MGST1: variants seen among roughly 807,000 people sequenced by gnomAD.
MGST1 encodes the protein microsomal glutathione S-transferase 1.
MGST1 carries 5 observed loss-of-function variants against 8.9 expected under a neutral mutation model. The observed-to-expected ratio is 0.56, with a 90% CI of 0.29 to 1.19. MGST1 has a LOEUF of 1.19. Ranked by LOEUF, MGST1 falls within the 50% of genes most tolerant of loss-of-function variation. The pLI is 0.08. For synonymous variants in MGST1, 54 were observed against 67.8 expected (o/e 0.80, Z 1.00); for missense variants, 182 against 187.4 (o/e 0.97, Z 0.17).
intron 4 of MGST1, among the ~76,000 whole-genome samples, chr12:16,468,774 A>G (rs74345360): frequency 0.034 from 5,138 of 152,296 alleles, 244 homozygotes; most frequent in African/African-American, 0.11. Context: ...ACCCCTTCCT[A>G]TAGGAATAGA....
chr12:16,347,655 T>A lies in MGST1; in HGVS notation c.-78T>A, dbSNP rs1939259363. The A allele has an allele frequency of 6.6e-6, 1 of 152,392 alleles. No homozygotes were observed. Among genetic ancestry groups the A allele is most frequent in the African/African-American group, 2.4e-5 (1 of 41,428 alleles). 9.4% of individuals were successfully genotyped at this position (152,392 alleles called of 1,614,324 possible). A position where few individuals can be genotyped will look rare whatever the true frequency, so the allele number is the denominator to read the frequency against. On this transcript the variant is annotated 5_prime_UTR_variant, in exon 1 of 4. It adds an upstream start codon to the 5' untranslated region. Coordinates refer to ENST00000396210, the MANE Select transcript of MGST1 (RefSeq NM_020300.5). This position sits in a 1 kb window ranked among gnomAD's most constrained non-coding sequence, Gnocchi z 4.0. ...GGCCCGCGCGGCCACAGTCCCTGCA[T>A]TGCGCGCGACCCGGCGGCGGGACAG...
intron 4 of MGST1, among the ~76,000 whole-genome samples, chr12:16,569,568 T>A (rs1320644246): frequency 6.6e-6 from 1 of 152,200 alleles, no homozygotes; most frequent in African/African-American, 2.4e-5. Context: ...GGAGAAGCTA[T>A]GCAGAGAAAA....
At position 16,517,264 on chromosome 12, in the gene MGST1, T is replaced by C. The variant is rs1376026181; in HGVS notation, n.483-72264T>C. On this transcript the variant is annotated intron_variant and non_coding_transcript_variant, in intron 4 of 4. Coordinates refer to the MGST1 transcript ENST00000538857. The surrounding 1 kb of genome is among the most constrained non-coding windows in gnomAD (Gnocchi z 4.2). ...TCCCTCCAAGTTCATGTGTTGAAAATTTAACTCCCAATGCAATAGTGTCAA... is the reference window on the plus strand; with the variant it reads ...TCCCTCCAAGTTCATGTGTTGAAAACTTAACTCCCAATGCAATAGTGTCAA... 6.6e-6 allele frequency among the ~76,000 whole-genome samples: 1 copy of C among 152,170 alleles called. No individual in the cohort carries two copies. Among genetic ancestry groups the C allele is most frequent in the East Asian group, 1.9e-4 (1 of 5,182 alleles).
intron 1 of MGST1, among the ~76,000 whole-genome samples, chr12:16,386,170 G>A (rs569345805): frequency 1.3e-5 from 2 of 152,322 alleles, no homozygotes; most frequent in South Asian, 4.1e-4. Flanking sequence ...TATCCAAGCA[G>A]TTTGTGGTTT....
intron 2 of MGST1, among the ~76,000 whole-genome samples, chr12:16,355,508 T>C (rs1409356567): frequency 6.6e-6 from 1 of 152,066 alleles, no homozygotes; most frequent in Non-Finnish European, 1.5e-5. Flanking sequence ...GCCTACTATT[T>C]TGAGGTATAA....
intron 1 of MGST1, among the ~76,000 whole-genome samples, chr12:16,414,605 C>G (rs937314146): frequency 6.6e-6 from 1 of 151,406 alleles, no homozygotes; most frequent in African/African-American, 2.4e-5. Context: ...TTAGTAGAGA[C>G]GGGGTTTCAT....
chr12:16,422,766 A>G (rs1023186762), intron 1 of MGST1, among the ~76,000 whole-genome samples: 1 of 152,164 alleles, frequency 6.6e-6, no homozygotes. Flanking sequence ...TACTAAGACA[A>G]TGCTTTTCTG....
chr12:16,374,429 G>T (rs1287578801), intron 3 of MGST1, among the ~76,000 whole-genome samples: 2 of 151,900 alleles, frequency 1.3e-5, no homozygotes, highest in Non-Finnish European at 2.9e-5. Flanking sequence ...GTGTCTCATT[G>T]CTCTGCCACA....
chr12:16,545,423 T>C (rs1352266545), intron 4 of MGST1, among the ~76,000 whole-genome samples: 4 of 152,042 alleles, frequency 2.6e-5, no homozygotes, highest in Non-Finnish European at 4.4e-5. Flanking sequence ...AGTTCTGACA[T>C]ATATAGTTTT....
intron 1 of MGST1, among the ~76,000 whole-genome samples, chr12:16,426,466 CA>C (rs1940889893): frequency 6.6e-6 from 1 of 152,230 alleles, no homozygotes; most frequent in Non-Finnish European, 1.5e-5. Context: ...CCCTTTAAAC[CA>C]AATAAGTTTG....
intron 4 of MGST1, among the ~76,000 whole-genome samples, chr12:16,463,456 C>G (rs547668531): frequency 3.3e-5 from 5 of 151,204 alleles, no homozygotes; most frequent in Admixed American, 6.6e-5. Context: ...GGAGGGAGGG[C>G]ATCAGGAAGA....
At chr12:16,438,954 T>G (rs1461493899), downstream of MGST1, among the ~76,000 whole-genome samples, 1 of 151,844 alleles carries the variant, frequency 6.6e-6, no homozygotes, top group Non-Finnish European at 1.5e-5. Flanking sequence ...GGGGCAGTAT[T>G]TATTCGTGGT....
At chr12:16,446,310 G>A (rs1941079227) in intron 4 of MGST1, among the ~76,000 whole-genome samples, 1 of 151,870 alleles carries the variant, frequency 6.6e-6, no homozygotes, top group African/African-American at 2.4e-5. Context: ...TGTTTGTCCA[G>A]GTGCAGTCTT....
rs956119750 is a variant in MGST1, at chr12:16,401,302, C to T, written n.778+17698C>T. ...TCCCAAACTGATGCTGAAAACCATTCCTGTCTTCAGTTTGTATTGATTTTT... is the reference window on the plus strand; with the variant it reads ...TCCCAAACTGATGCTGAAAACCATTTCTGTCTTCAGTTTGTATTGATTTTT... On this transcript the variant is annotated intron_variant and non_coding_transcript_variant, in intron 1 of 1. Coordinates refer to the MGST1 transcript ENST00000359720. This position sits in a 1 kb window ranked among gnomAD's most constrained non-coding sequence, Gnocchi z 4.3. The T allele has an allele frequency of 6.7e-7, 1 of 1,487,058 alleles. No homozygotes were observed. 92.1% of individuals were successfully genotyped at this position (1,487,058 alleles called of 1,614,324 possible).
At chr12:16,431,462 T>C (rs138649068) in intron 1 of MGST1, among the ~76,000 whole-genome samples, 1 of 152,274 alleles carries the variant, frequency 6.6e-6, no homozygotes, top group East Asian at 1.9e-4. Flanking sequence ...ACTCTTTTTT[T>C]TTTTTACTTG....
At chr12:16,454,104 G>A (rs1441473624) in intron 4 of MGST1, among the ~76,000 whole-genome samples, 1 of 151,908 alleles carries the variant, frequency 6.6e-6, no homozygotes, top group African/African-American at 2.4e-5. Flanking sequence ...GAGGAATCAG[G>A]TGACTTACCA....
intron 1 of MGST1, among the ~76,000 whole-genome samples, chr12:16,427,692 C>G (rs1940902403): frequency 1.3e-5 from 2 of 152,160 alleles, no homozygotes; most frequent in African/African-American, 4.8e-5. Context: ...TACATTTTTT[C>G]TTTTCCATTA....
At chr12:16,436,381 T>C (rs1253578373) in intron 1 of MGST1, among the ~76,000 whole-genome samples, 1 of 151,910 alleles carries the variant, frequency 6.6e-6, no homozygotes, top group African/African-American at 2.4e-5. Context: ...AAAAACTTGA[T>C]CGAAGAGGTG....
intron 4 of MGST1, among the ~76,000 whole-genome samples, chr12:16,471,349 G>A (rs1811034317): frequency 6.6e-6 from 1 of 152,152 alleles, no homozygotes; most frequent in Admixed American, 6.6e-5. Flanking sequence ...TTCTCTGTTG[G>A]TATTCTTACA....
Sources: allele counts gnomAD v4.1 joint callset (sites outside exome capture counted in the v4.1 genomes callset), GRCh38; gene constraint gnomAD v4.1.1; non-coding constraint Gnocchi (gnomAD v3.1); transcripts MANE v1.5; gene names NCBI Gene and HGNC (gene_info 2026-07-23, HGNC 2026-07-21).